Variants in EEPD1 observed in about 807,000 individuals in gnomAD.
The protein encoded by EEPD1 is endonuclease/exonuclease/phosphatase family domain-containing protein 1.
In EEPD1, 17 loss-of-function variants were observed where a neutral mutation model predicts 46.3. That is an observed-to-expected ratio of 0.37 (90% CI 0.25 to 0.55). EEPD1 has a LOEUF of 0.55. EEPD1 is among the 20% of genes least tolerant of loss of function. The pLI, the probability that EEPD1 is intolerant of heterozygous loss-of-function variation, is 0.83. For synonymous variants in EEPD1, 313 were observed against 315.6 expected, an observed-to-expected ratio of 0.99 and a Z score of 0.09; for missense variants, 673 against 745.6, an observed-to-expected ratio of 0.90 and a Z score of 1.13.
chr7:36,196,156 A>G (rs900080507), intron 2 of EEPD1, among the ~76,000 whole-genome samples: 2 of 152,240 alleles, frequency 1.3e-5, no homozygotes, highest in African/African-American at 4.8e-5. Context: ...GTACACCTAT[A>G]TATAGCACCA....
intron 2 of EEPD1, among the ~76,000 whole-genome samples, chr7:36,233,759 C>A (rs993006048): frequency 6.6e-6 from 1 of 152,174 alleles, no homozygotes; most frequent in African/African-American, 2.4e-5. Flanking sequence ...CTGGGGAAGA[C>A]CCCTCCAAGC....
intron 7 of EEPD1, among the ~76,000 whole-genome samples, chr7:36,298,608 C>A (rs976775171): frequency 6.6e-6 from 1 of 152,032 alleles, no homozygotes; most frequent in South Asian, 2.1e-4. Context: ...CACCCCTAAC[C>A]CCCTTAGTGT....
chr7:36,259,483 T>C (rs1339336190), intron 3 of EEPD1, among the ~76,000 whole-genome samples: 2 of 152,170 alleles, frequency 1.3e-5, no homozygotes, highest in African/African-American at 4.8e-5. Context: ...CCTTGAACTA[T>C]ACATTGTTAT....
intron 2 of EEPD1, among the ~76,000 whole-genome samples, chr7:36,205,986 T>A (rs1363031863): frequency 6.6e-6 from 1 of 152,166 alleles, no homozygotes; most frequent in South Asian, 2.1e-4. Context: ...GGGCGCTGTG[T>A]CTTCCATTCA....
intron 2 of EEPD1, among the ~76,000 whole-genome samples, chr7:36,236,513 C>G (rs1003154605): frequency 1.3e-5 from 2 of 152,200 alleles, no homozygotes; most frequent in African/African-American, 4.8e-5. Context: ...TTGTCTGGGA[C>G]GAGCTCCCTC....
At chr7:36,206,585 T>A (rs570574079) in intron 2 of EEPD1, among the ~76,000 whole-genome samples, 98 of 152,310 alleles carry the variant, frequency 6.4e-4, no homozygotes, top group African/African-American at 2.0e-3. Context: ...AAGGATGCTG[T>A]CTGGGCCCAT....
chr7:36,276,857 G>T (rs928303123), intron 3 of EEPD1, among the ~76,000 whole-genome samples: 3 of 152,236 alleles, frequency 2.0e-5, no homozygotes, highest in Non-Finnish European at 4.4e-5. Flanking sequence ...AGCCACTGGG[G>T]ATTCAGAAAC....
chr7:36,279,584 G>A (rs1206323241), intron 3 of EEPD1, among the ~76,000 whole-genome samples: 1 of 152,232 alleles, frequency 6.6e-6, no homozygotes, highest in Non-Finnish European at 1.5e-5. Flanking sequence ...GTGGCTTTCT[G>A]CAGCAGAGGC....
intron 3 of EEPD1, 67 bp downstream of exon 3, chr7:36,239,103 C>A: frequency 6.7e-7 from 1 of 1,491,926 alleles, no homozygotes; most frequent in Non-Finnish European, 9.3e-7. Flanking sequence ...AAGAAAAATT[C>A]AACTCCCTGT....
intron 3 of EEPD1, among the ~76,000 whole-genome samples, chr7:36,246,902 G>T (rs892475712): frequency 1.3e-5 from 2 of 152,096 alleles, no homozygotes; most frequent in Non-Finnish European, 2.9e-5. Context: ...AAGGCGGGTG[G>T]ATCGCCTGAG....
chr7:36,171,394 T>A (rs1785077780), intron 2 of EEPD1, among the ~76,000 whole-genome samples: 1 of 152,226 alleles, frequency 6.6e-6, no homozygotes, highest in Non-Finnish European at 1.5e-5. Context: ...GACTCTAAAT[T>A]GTAAGTGTTT....
intron 2 of EEPD1, among the ~76,000 whole-genome samples, chr7:36,183,204 C>T (rs1785304945): frequency 6.6e-6 from 1 of 152,226 alleles, no homozygotes; most frequent in South Asian, 2.1e-4. Flanking sequence ...GTGTAGACGG[C>T]ACGCATGTAT....
chr7:36,227,073 A>G (rs1443591186), intron 2 of EEPD1, among the ~76,000 whole-genome samples: 3 of 152,002 alleles, frequency 2.0e-5, no homozygotes, highest in Non-Finnish European at 2.9e-5. Flanking sequence ...TAAAGAAGGG[A>G]GGGGGGGTGG....
intron 2 of EEPD1, among the ~76,000 whole-genome samples, chr7:36,232,361 G>C (rs1786347630): frequency 6.6e-6 from 1 of 151,540 alleles, no homozygotes; most frequent in Non-Finnish European, 1.5e-5. Context: ...CCCACCACCA[G>C]GCCCAGCTAA....
chr7:36,197,099 CCGCCCCA>C, intron 2 of EEPD1, among the ~76,000 whole-genome samples: 1 of 148,394 alleles, frequency 6.7e-6, no homozygotes. Flanking sequence ...CTCTGCCCGG[CCGCCCCA>C]TCTGAGAAGT....
chr7:36,290,084 C>G (rs898694144), intron 6 of EEPD1, among the ~76,000 whole-genome samples: 3 of 152,208 alleles, frequency 2.0e-5, no homozygotes, highest in Admixed American at 6.5e-5. Flanking sequence ...AGACTCTGAT[C>G]TGTAAAATGG....
intron 2 of EEPD1, among the ~76,000 whole-genome samples, chr7:36,221,398 C>T (rs1316770944): frequency 1.3e-5 from 2 of 152,168 alleles, no homozygotes; most frequent in East Asian, 1.9e-4. Context: ...GTTTTGTATA[C>T]TCAGCTCCAG....
chr7:36,291,899 A>G (rs1210190179), intron 6 of EEPD1, among the ~76,000 whole-genome samples: 1 of 152,200 alleles, frequency 6.6e-6, no homozygotes, highest in East Asian at 1.9e-4. Flanking sequence ...CTGGGGGGCG[A>G]GTGTTCTTTC....
intron 5 of EEPD1, among the ~76,000 whole-genome samples, chr7:36,286,806 T>C (rs196591): frequency 0.073 from 11,045 of 152,204 alleles, 576 homozygotes; most frequent in Non-Finnish European, 0.11. Flanking sequence ...GCCCCAAGTC[T>C]ATAATAACAA....
Sources: allele counts gnomAD v4.1 joint callset (sites outside exome capture counted in the v4.1 genomes callset), GRCh38; gene constraint gnomAD v4.1.1; transcripts MANE v1.5; gene names NCBI Gene and HGNC (gene_info 2026-07-23, HGNC 2026-07-21).